Variants in SND1 observed in about 807,000 individuals in gnomAD.
The protein encoded by SND1 is staphylococcal nuclease and tudor domain containing 1, also known as staphylococcal nuclease domain-containing protein 1.
A neutral mutation model predicts 121.7 loss-of-function variants in SND1; 38 were observed. That is an observed-to-expected ratio of 0.31 (90% CI 0.24 to 0.41). The LOEUF (loss-of-function observed/expected upper bound fraction) is 0.41. SND1 is among the 10% of genes least tolerant of loss of function. The pLI is 1.00. For synonymous variants in SND1, 401 were observed against 447.4 expected (o/e 0.90, Z 1.31); for missense variants, 868 against 1,184.6 (o/e 0.73, Z 3.92).
intron 10 of SND1, among the ~76,000 whole-genome samples, chr7:127,760,360 T>C (rs1230371295): frequency 6.6e-6 from 1 of 152,190 alleles, no homozygotes; most frequent in African/African-American, 2.4e-5. Context: ...TTTGAATGCA[T>C]AAAGTGGGCA....
intron 17 of SND1, among the ~76,000 whole-genome samples, chr7:128,075,192 A>C (rs1443978915): frequency 7.8e-6 from 1 of 128,954 alleles, no homozygotes; most frequent in Non-Finnish European, 1.7e-5. Context: ...CGCATTGAAG[A>C]GACAAGGGGG....
chr7:127,903,503 G>C (rs1052991263), intron 13 of SND1, among the ~76,000 whole-genome samples: 1 of 152,126 alleles, frequency 6.6e-6, no homozygotes, highest in Non-Finnish European at 1.5e-5. Flanking sequence ...AAACTAGATA[G>C]TAGGAAAACT....
In SND1 at chr7:127,660,373, G is replaced by C. The variant is rs549745172; in HGVS notation, c.78+7922G>C. Among the ~76,000 whole-genome samples, 10 of 152,314 alleles carry C rather than the reference G, an allele frequency of 6.6e-5. No individual in the cohort carries two copies. In the East Asian group the frequency reaches 1.9e-3, roughly 29 times the overall value. On this transcript the variant is annotated intron_variant, in intron 1 of 23. Coordinates refer to ENST00000354725, the MANE Select transcript of SND1 (RefSeq NM_014390.4). ...CATAGGGAGAGTCTATTCTTGCCCTGCTCTTGACTGGGAGACTGTGGTGGG... is the reference window on the plus strand; with the variant it reads ...CATAGGGAGAGTCTATTCTTGCCCTCCTCTTGACTGGGAGACTGTGGTGGG...
chr7:128,048,487 G>T (rs1792991518), intron 16 of SND1, among the ~76,000 whole-genome samples: 1 of 152,152 alleles, frequency 6.6e-6, no homozygotes, highest in African/African-American at 2.4e-5. Context: ...TTTCTTAATG[G>T]TTTGAAACGA....
At chr7:127,731,164 TG>T (rs1170644715) in intron 10 of SND1, among the ~76,000 whole-genome samples, 2 of 152,212 alleles carry the variant, frequency 1.3e-5, no homozygotes, top group African/African-American at 4.8e-5. Context: ...TCGCCATGGG[TG>T]GGGGCACTGC....
At chr7:128,069,766 T>G (rs1482302171) in intron 16 of SND1, among the ~76,000 whole-genome samples, 1 of 152,206 alleles carries the variant, frequency 6.6e-6, no homozygotes, top group Non-Finnish European at 1.5e-5. Flanking sequence ...ATCCCAGTTT[T>G]ACAGTAAATA....
intron 12 of SND1, among the ~76,000 whole-genome samples, chr7:127,859,817 C>G (rs1280339821): frequency 1.3e-5 from 2 of 151,914 alleles, no homozygotes; most frequent in African/African-American, 4.8e-5. Flanking sequence ...CTGATGTGCA[C>G]CCAATATTGC....
chr7:127,958,689 A>G (rs1400275168), intron 15 of SND1, among the ~76,000 whole-genome samples: 1 of 152,168 alleles, frequency 6.6e-6, no homozygotes, highest in Non-Finnish European at 1.5e-5. Context: ...CCTGTCCCTT[A>G]TGAAACTCTG....
intron 15 of SND1, among the ~76,000 whole-genome samples, chr7:127,952,135 C>CA (rs1383413491): frequency 6.6e-6 from 1 of 152,188 alleles, no homozygotes; most frequent in Non-Finnish European, 1.5e-5. Context: ...ATTGTATCCC[C>CA]ACCTAGCAGT....
intron 16 of SND1, chr7:127,999,057 A>G (rs1250964051): frequency 2.0e-5 from 3 of 152,192 alleles, no homozygotes; most frequent in Non-Finnish European, 4.4e-5. Flanking sequence ...GGCTTGGCCA[A>G]GATTCTGTTA....
chr7:127,993,081 C>T (rs1470017043), intron 16 of SND1, among the ~76,000 whole-genome samples: 2 of 152,148 alleles, frequency 1.3e-5, no homozygotes, highest in African/African-American at 4.8e-5. Flanking sequence ...TATATGATTA[C>T]TTGGGTTGGC....
intron 10 of SND1, among the ~76,000 whole-genome samples, chr7:127,748,556 T>G (rs1307232503): frequency 6.6e-6 from 1 of 152,208 alleles, no homozygotes; most frequent in African/African-American, 2.4e-5. Flanking sequence ...GATGAAATAT[T>G]TCTTCTTCCC....
intron 15 of SND1, among the ~76,000 whole-genome samples, chr7:127,957,799 C>A (rs940706125): frequency 3.3e-5 from 5 of 152,188 alleles, no homozygotes; most frequent in Non-Finnish European, 7.3e-5. Context: ...CTCCCAGGTT[C>A]AAGCAATTCC....
At chr7:127,829,332 G>T (rs1042528173) in intron 11 of SND1, among the ~76,000 whole-genome samples, 1 of 152,090 alleles carries the variant, frequency 6.6e-6, no homozygotes, top group Non-Finnish European at 1.5e-5. Flanking sequence ...TGAGGTGATT[G>T]GTAGGTTGGT....
At chr7:127,798,759 A>G (rs1334039700) in intron 10 of SND1, among the ~76,000 whole-genome samples, 1 of 152,158 alleles carries the variant, frequency 6.6e-6, no homozygotes, top group Non-Finnish European at 1.5e-5. Flanking sequence ...TTAAAAATTC[A>G]CATGGTCAGA....
chr7:127,954,705 C>A (rs1216546188), intron 15 of SND1, among the ~76,000 whole-genome samples: 1 of 152,198 alleles, frequency 6.6e-6, no homozygotes, highest in African/African-American at 2.4e-5. Context: ...TATCCCTCTC[C>A]AGGGAGCTGG....
At chr7:127,833,377 TG>T (rs1397267115) in intron 11 of SND1, among the ~76,000 whole-genome samples, 1 of 151,610 alleles carries the variant, frequency 6.6e-6, no homozygotes, top group African/African-American at 2.4e-5. Flanking sequence ...GTGATTCTCA[TG>T]TCTCAGCCTC....
At chr7:127,866,638 C>A (rs1209345973) in intron 12 of SND1, among the ~76,000 whole-genome samples, 1 of 152,166 alleles carries the variant, frequency 6.6e-6, no homozygotes, top group Non-Finnish European at 1.5e-5. Context: ...CTCTTCAAAT[C>A]TTGCTGCATA....
Position 127,707,749 on chromosome 7 carries a change from C to T in SND1, c.1038+102C>T, listed in dbSNP as rs1435994398. The T allele has an allele frequency of 3.6e-5, 31 of 858,986 alleles. No homozygotes were observed. In the Admixed American group the frequency reaches 6.4e-4, roughly 18 times the overall value. 53.2% of individuals were successfully genotyped at this position (858,986 alleles called of 1,614,324 possible). ...GAAATGCTGAAGCTCTTGAAAATTT[C>T]AAGGCAAGCCAGTAGGAGTGTGTGT... is the stretch of plus-strand genomic sequence containing the variant. On this transcript the variant is annotated intron_variant, in intron 9 of 23. Transcript: ENST00000354725.
Sources: allele counts gnomAD v4.1 joint callset (sites outside exome capture counted in the v4.1 genomes callset), GRCh38; gene constraint gnomAD v4.1.1; transcripts MANE v1.5; gene names NCBI Gene and HGNC (gene_info 2026-07-23, HGNC 2026-07-21).